KCNT2: variants seen among roughly 807,000 people sequenced by gnomAD.
The protein encoded by KCNT2 is potassium sodium-activated channel subfamily T member 2.
KCNT2 carries 67 observed loss-of-function variants against 153.8 expected under a neutral mutation model. The observed-to-expected ratio is 0.44, with a 90% CI of 0.36 to 0.53. The LOEUF is 0.53. KCNT2 is among the 20% of genes least tolerant of loss of function. KCNT2 has a pLI of 0.00. For synonymous variants in KCNT2, 500 were observed against 458.8 expected (o/e 1.09, Z -1.15); for missense variants, 975 against 1,354.8 (o/e 0.72, Z 4.40).
At chr1:196,463,996 T>C (rs147754019) in intron 8 of KCNT2, among the ~76,000 whole-genome samples, 308 of 151,992 alleles carry the variant, frequency 2.0e-3, no homozygotes, top group Non-Finnish European at 2.1e-3. Flanking sequence ...ACATTATATT[T>C]AGTAATCATT....
intron 27 of KCNT2, among the ~76,000 whole-genome samples, chr1:196,233,541 G>A (rs1654145078): frequency 6.6e-6 from 1 of 151,270 alleles, no homozygotes; most frequent in African/African-American, 2.4e-5. Context: ...TCAGCTGGAA[G>A]ATAAAAAATA....
At chr1:196,420,914 G>A (rs1291152251) in intron 12 of KCNT2, among the ~76,000 whole-genome samples, 2 of 151,966 alleles carry the variant, frequency 1.3e-5, no homozygotes, top group African/African-American at 2.4e-5. Context: ...AACCAGCAAT[G>A]GATATGTACA....
chr1:196,290,305 T>C (rs943341885), intron 22 of KCNT2, among the ~76,000 whole-genome samples: 4 of 152,194 alleles, frequency 2.6e-5, no homozygotes, highest in Admixed American at 1.3e-4. Flanking sequence ...TCTTTTCACA[T>C]CACTCTATCT....
At chr1:196,312,621 G>T (rs922492550) in intron 21 of KCNT2, among the ~76,000 whole-genome samples, 29 of 151,738 alleles carry the variant, frequency 1.9e-4, no homozygotes, top group East Asian at 1.4e-3. Context: ...CTAAGCTTTG[G>T]TTTTTAATCT....
intron 1 of KCNT2, among the ~76,000 whole-genome samples, chr1:196,600,968 G>T (rs1392353806): frequency 1.3e-5 from 2 of 152,126 alleles, no homozygotes; most frequent in Non-Finnish European, 2.9e-5. Context: ...TTGTGTCAGT[G>T]CTCCAGGCCC....
chr1:196,520,508 G>T (rs1477692030), intron 1 of KCNT2, among the ~76,000 whole-genome samples: 1 of 151,952 alleles, frequency 6.6e-6, no homozygotes, highest in African/African-American at 2.4e-5. Context: ...AAGACAGGAA[G>T]TCAAACTATC....
intron 3 of KCNT2, among the ~76,000 whole-genome samples, chr1:196,482,798 G>T (rs1021151600): frequency 6.6e-6 from 1 of 151,892 alleles, no homozygotes; most frequent in East Asian, 1.9e-4. Flanking sequence ...CAGTAACAGA[G>T]TATACAACAC....
At chr1:196,328,921 A>AAGTAAT (rs1157326993) in intron 18 of KCNT2, among the ~76,000 whole-genome samples, 1 of 152,142 alleles carries the variant, frequency 6.6e-6, no homozygotes, top group Non-Finnish European at 1.5e-5. Flanking sequence ...ACAGAATCTG[A>AAGTAAT]AGTAATATAA....
chr1:196,467,455 A>C (rs1269316515), intron 7 of KCNT2, among the ~76,000 whole-genome samples: 1 of 152,106 alleles, frequency 6.6e-6, no homozygotes, highest in Non-Finnish European at 1.5e-5. Flanking sequence ...TGACTCATTA[A>C]AAAAACATTT....
chr1:196,275,905 C>CTAGT (rs1435077606), intron 25 of KCNT2, among the ~76,000 whole-genome samples: 1 of 151,868 alleles, frequency 6.6e-6, no homozygotes, highest in Non-Finnish European at 1.5e-5. Context: ...GTGCTTTTTA[C>CTAGT]TAGTTATACA....
At chr1:196,280,809 T>G in intron 25 of KCNT2, 51 bp downstream of exon 25, 2 of 1,493,046 alleles carry the variant, frequency 1.3e-6, no homozygotes, top group African/African-American at 1.4e-5. Flanking sequence ...TATGAATGAT[T>G]GCACTCATCA....
chr1:196,468,180 T>C (rs937212186), intron 6 of KCNT2, among the ~76,000 whole-genome samples: 3 of 152,090 alleles, frequency 2.0e-5, no homozygotes, highest in Non-Finnish European at 4.4e-5. Flanking sequence ...TTACTCTCTT[T>C]ATGTTAAACC....
intron 25 of KCNT2, among the ~76,000 whole-genome samples, chr1:196,264,610 T>G (rs1368163284): frequency 6.6e-6 from 1 of 151,892 alleles, no homozygotes; most frequent in South Asian, 2.1e-4. Context: ...CCCCAATATA[T>G]ATATTTTTTT....
chr1:196,483,636 T>G (rs188221618), intron 3 of KCNT2, among the ~76,000 whole-genome samples: 89 of 152,292 alleles, frequency 5.8e-4, no homozygotes, highest in African/African-American at 2.1e-3. Flanking sequence ...CAACCCTCTG[T>G]GTTTCAGGGA....
intron 1 of KCNT2, among the ~76,000 whole-genome samples, chr1:196,518,623 C>T (rs1357792545): frequency 3.3e-5 from 5 of 151,602 alleles, no homozygotes; most frequent in East Asian, 1.9e-4. Context: ...GCAGAGGTTG[C>T]AATGCTAATT....
intron 25 of KCNT2, among the ~76,000 whole-genome samples, chr1:196,266,141 T>G (rs1657518771): frequency 6.6e-6 from 1 of 152,168 alleles, no homozygotes; most frequent in South Asian, 2.1e-4. Flanking sequence ...TTGAAGAATT[T>G]ATAAAGGCAG....
chr1:196,480,915 GT>G (rs1260773497), intron 4 of KCNT2, among the ~76,000 whole-genome samples: 5 of 129,460 alleles, frequency 3.9e-5, no homozygotes, highest in South Asian at 2.8e-4. Context: ...AAATATCACT[GT>G]TTTAAAAAGC....
intron 13 of KCNT2, among the ~76,000 whole-genome samples, chr1:196,378,198 C>G (rs1023333147): frequency 2.6e-5 from 4 of 152,092 alleles, no homozygotes; most frequent in African/African-American, 9.7e-5. Flanking sequence ...ATTCGTGTGC[C>G]AAAGGACATA....
chr1:196,588,117 G>A (rs1023528004), intron 1 of KCNT2, among the ~76,000 whole-genome samples: 3 of 151,986 alleles, frequency 2.0e-5, no homozygotes, highest in Admixed American at 6.6e-5. Context: ...ATTTCAAGAC[G>A]GAGTGGCTTT....
Sources: gnomAD v4.1 joint callset for allele counts (sites outside exome capture counted in the v4.1 genomes callset) on GRCh38, gnomAD v4.1.1 for gene constraint, MANE v1.5 for transcripts, NCBI Gene and HGNC (gene_info 2026-07-23, HGNC 2026-07-21) for gene names.